Variants in ZNF284 observed in about 807,000 individuals in gnomAD.
ZNF284 encodes the protein zinc finger protein 284.
In ZNF284, 12 loss-of-function variants were observed where a neutral mutation model predicts 12.9. That is an observed-to-expected ratio of 0.93 (90% CI 0.60 to 1.51). ZNF284 has a LOEUF of 1.51. Among genes scored for constraint, ZNF284 ranks in the 40% most tolerant of loss-of-function variants. The pLI is 0.00. For synonymous variants in ZNF284, 225 were observed against 236.5 expected (o/e 0.95, Z 0.45); for missense variants, 667 against 707.3 (o/e 0.94, Z 0.65).
At chr19:44,083,440 T>TAAAG (rs1967158289) in intron 4 of ZNF284, among the ~76,000 whole-genome samples, 1 of 86,128 alleles carries the variant, frequency 1.2e-5, no homozygotes, top group East Asian at 2.7e-4. Flanking sequence ...TCTCAAAAAA[T>TAAAG]AAATAAAGAA....
At chr19:44,077,136 A>G (rs1359512149) in intron 2 of ZNF284, among the ~76,000 whole-genome samples, 2 of 152,116 alleles carry the variant, frequency 1.3e-5, no homozygotes, top group Non-Finnish European at 2.9e-5. Context: ...CTTTTTAACT[A>G]CTTTATACTC....
In ZNF284 at chr19:44,087,351, T is replaced by A; in HGVS notation, c.*91T>A. 1 of 952,268 alleles carries A rather than the reference T, an allele frequency of 1.1e-6. No individual in the cohort carries two copies. Among genetic ancestry groups the A allele is most frequent in the South Asian group, 2.5e-5 (1 of 40,268 alleles). 59.0% of individuals were successfully genotyped at this position (952,268 alleles called of 1,614,324 possible). ...CAGTGTTATTAGCATATCCATCACC[T>A]CCTTTATCATTTATTTGTGGATCAT... is the stretch of plus-strand genomic sequence containing the variant. On this transcript the variant is annotated 3_prime_UTR_variant, in exon 5 of 5. Transcript: ENST00000421176.
rs10426116 is a variant in ZNF284, at chr19:44,087,400, C to T, written c.*140C>T. The T allele has an allele frequency of 5.2e-3, 3,753 of 723,084 alleles. 125 individuals carry two copies. In the African/African-American group the frequency reaches 0.061, roughly 12 times the overall value. The allele number at this position is 723,084 out of a possible 1,614,324, so 44.8% of individuals were successfully genotyped here. A position where few individuals can be genotyped will look rare whatever the true frequency, so the allele number is the denominator to read the frequency against. On this transcript the variant is annotated 3_prime_UTR_variant, in exon 5 of 5. Coordinates refer to ENST00000421176, the MANE Select transcript of ZNF284 (RefSeq NM_001037813.4). ...ATTTATCATTTCTTTGTGCTTTGAA[C>T]GTTCAAAAACTGCTGTTCTAGTTAT...
In ZNF284 at chr19:44,086,992, A is replaced by G; in HGVS notation, c.1514A>G (p.His505Arg). Residue 505 changes from histidine to arginine, a missense_variant, in exon 5 of 5, where the codon CAC (histidine) becomes CGC (arginine). Coordinates refer to ENST00000421176, the MANE Select transcript of ZNF284 (RefSeq NM_001037813.4). ...AAACTTCGTTTCCATCAAAGAATTC[A>G]CACTGGAGAAAAGCCTTACAAATGT... ...NSKLRFHQRI[H>R]TGEKPYKCEE... is the part of the protein sequence containing the mutation. The G allele has an allele frequency of 6.2e-7, 1 of 1,614,240 alleles. No homozygotes were observed. Among genetic ancestry groups the G allele is most frequent in the Non-Finnish European group, 8.5e-7 (1 of 1,180,038 alleles).
At position 44,079,558 on chromosome 19, in the gene ZNF284, CAT is replaced by C. The variant is rs767452952; in HGVS notation, c.16-1456_16-1455del. On this transcript the variant is annotated intron_variant, in intron 2 of 4. Coordinates refer to ENST00000421176, the MANE Select transcript of ZNF284 (RefSeq NM_001037813.4). ...CCCTGTCTCTACTAAAAATACAAAA[CAT>C]TAGCCGGGTGTGGTGGTGGGCGCCT... 1.2e-3 allele frequency among the ~76,000 whole-genome samples: 189 copies of C among 151,992 alleles called. 1 individual carries two copies. The highest frequency in any genetic ancestry group is 2.2e-3 in the Non-Finnish European group (147 of 67,934).
chr19:44,079,475 C>T (rs1020258421), intron 2 of ZNF284, among the ~76,000 whole-genome samples: 22 of 151,844 alleles, frequency 1.4e-4, no homozygotes, highest in African/African-American at 3.6e-4. Context: ...TTTGGGAGGC[C>T]AAGGCAGGCG....
intron 2 of ZNF284, among the ~76,000 whole-genome samples, chr19:44,080,406 G>T (rs1599878463): frequency 6.6e-6 from 1 of 152,240 alleles, no homozygotes; most frequent in Middle Eastern, 3.4e-3. Context: ...TGACCAGCCT[G>T]GCCAACATGG....
At chr19:44,083,474 T>TATATATATATATATAGAGAGAGAG (rs746837013) in intron 4 of ZNF284, among the ~76,000 whole-genome samples, 3 of 64,922 alleles carry the variant, frequency 4.6e-5, no homozygotes, top group African/African-American at 1.5e-4. Flanking sequence ...TATATATATA[T>TATATATATATATATAGAGAGAGAG]AGAGAGAGAG....
At position 44,089,045 on chromosome 19, in the gene ZNF284, G is replaced by A. The variant is rs1967305993; in HGVS notation, c.*1785G>A. The A allele has an allele frequency of 6.6e-6, 1 of 152,016 alleles. No homozygotes were observed. Among genetic ancestry groups the A allele is most frequent in the East Asian group, 1.9e-4 (1 of 5,134 alleles). The allele number at this position is 152,016 out of a possible 1,614,324, so 9.4% of individuals were successfully genotyped here. On this transcript the variant is annotated 3_prime_UTR_variant, in exon 5 of 5. Coordinates refer to ENST00000421176, the MANE Select transcript of ZNF284 (RefSeq NM_001037813.4). ...GCCCAAATTGGTCTCAAACTCCTGG[G>A]CTCAAGCGATTCTCCCTCCTCAGCC... is the stretch of plus-strand genomic sequence containing the variant.
At position 44,086,716 on chromosome 19, in the gene ZNF284, A is replaced by G. The variant is rs769303429; in HGVS notation, c.1238A>G (p.Gln413Arg). Residue 413 changes from glutamine to arginine, a missense_variant, in exon 5 of 5, where the codon CAG becomes CGG. Gln to Arg is a conservative substitution (Grantham distance 43). Coordinates refer to ENST00000421176, the MANE Select transcript of ZNF284 (RefSeq NM_001037813.4). Reference sequence around the variant, plus strand: ...GGGAAGAGATTTTATATGAATTCACAGGGCCATTCACATCAGAGAGCCTAT... The same window carrying G: ...GGGAAGAGATTTTATATGAATTCACGGGGCCATTCACATCAGAGAGCCTAT... ...GCGKRFYMNS[Q>R]GHSHQRAYRE... 2 of 1,614,124 alleles carry G rather than the reference A, an allele frequency of 1.2e-6. No homozygotes were observed. Among genetic ancestry groups the G allele is most frequent in the Non-Finnish European group, 8.5e-7 (1 of 1,179,982 alleles).
rs779761496 is a variant in ZNF284 at position 44,086,616 on chromosome 19, T to G, written c.1138T>G (p.Phe380Val). The G allele has an allele frequency of 6.2e-7, 1 of 1,614,200 alleles. No homozygotes were observed. The highest frequency in any genetic ancestry group is 8.5e-7 in the Non-Finnish European group (1 of 1,180,026). Residue 380 changes from phenylalanine to valine, a missense_variant, in exon 5 of 5, where the codon TTC (phenylalanine) becomes GTC (valine). Phe to Val is a conservative substitution (Grantham distance 50). Transcript: ENST00000421176. ...PYNCNVCGKGFRWSSCLSRHQ... is the reference protein window; with the variant it reads ...PYNCNVCGKGVRWSSCLSRHQ... ...TAATTGTAATGTATGTGGGAAGGGCTTCAGGTGGTCCTCATGTCTTTCAAG... is the reference window on the plus strand; with the variant it reads ...TAATTGTAATGTATGTGGGAAGGGCGTCAGGTGGTCCTCATGTCTTTCAAG...
chr19:44,081,954 A>C, intron 3 of ZNF284, 59 bp from the exon 4 acceptor site: 1 of 1,446,638 alleles, frequency 6.9e-7, no homozygotes, highest in African/African-American at 1.4e-5. Flanking sequence ...TGAGAACCTA[A>C]ATTTCTAGTA....
chr19:44,085,719 A>G lies in ZNF284; in HGVS notation c.241A>G (p.Lys81Glu). The G allele has an allele frequency of 6.2e-7, 1 of 1,609,712 alleles. No homozygotes were observed. Among genetic ancestry groups the G allele is most frequent in the Non-Finnish European group, 8.5e-7 (1 of 1,177,730 alleles). The change falls in exon 5 of 5, where the codon AAG (lysine) becomes GAG (glutamate). Residue 81 changes from lysine (K) to glutamate (E), a missense_variant. Physicochemically the swap from Lys to Glu is moderately conservative, Grantham distance 56. Transcript: ENST00000421176. ...ATQREGNSGG[K>E]IQTELESVPE... ...TTAATTCTGTGTCCTTATAGGAGGCAAGATCCAAACTGAGTTGGAGTCTGT... is the reference window on the plus strand; with the variant it reads ...TTAATTCTGTGTCCTTATAGGAGGCGAGATCCAAACTGAGTTGGAGTCTGT...
In ZNF284 at chr19:44,086,638, C is replaced by G. The variant is rs748479504; in HGVS notation, c.1160C>G (p.Ser387Ter). ...GGCTTCAGGTGGTCCTCATGTCTTTCAAGACATCAGCGGGTCCACAATGGA... is the reference window on the plus strand; with the variant it reads ...GGCTTCAGGTGGTCCTCATGTCTTTGAAGACATCAGCGGGTCCACAATGGA... Reference protein sequence around the residue: ...GKGFRWSSCLSRHQRVHNGET... With the variant: ...GKGFRWSSCL Residue 387 changes from serine to a stop codon, truncating the protein, a stop_gained, in exon 5 of 5, where the codon TCA (serine) becomes TGA (stop). Transcript: ENST00000421176. LOFTEE classifies it low-confidence loss of function (END_TRUNC). 3 of 1,613,870 alleles carry G rather than the reference C, an allele frequency of 1.9e-6. No individual in the cohort carries two copies. The South Asian group carries it at 3.3e-5, about 18-fold the overall frequency.
intron 2 of ZNF284, among the ~76,000 whole-genome samples, chr19:44,080,740 T>A (rs1037477641): frequency 6.6e-6 from 1 of 152,242 alleles, no homozygotes; most frequent in Admixed American, 6.5e-5. Context: ...CCCAGGATGC[T>A]GCATTTAGAG....
chr19:44,086,530 G>C lies in ZNF284; in HGVS notation c.1052G>C (p.Ser351Thr). The C allele has an allele frequency of 6.2e-7, 1 of 1,614,184 alleles. No homozygotes were observed. Among genetic ancestry groups the C allele is most frequent in the South Asian group, 1.1e-5 (1 of 91,076 alleles). Residue 351 changes from serine (S) to threonine (T), a missense_variant, in exon 5 of 5, where the codon AGC becomes ACC. Transcript: ENST00000421176. ...TACAAATGTGAAGAATGTGGAAGGA[G>C]CTTCACTTGTAGGCAAGATCTTTGT... ...KLYKCEECGR[S>T]FTCRQDLCKH...
chr19:44,083,502 G>GAGAGAGAGA (rs1568522599), intron 4 of ZNF284, among the ~76,000 whole-genome samples: 3 of 37,962 alleles, frequency 7.9e-5, no homozygotes, highest in South Asian at 1.2e-3. Flanking sequence ...GAGAGAGAGA[G>GAGAGAGAGA]GGAATGGAAT....
At chr19:44,080,954 C>T in intron 2 of ZNF284, 61 bp from the exon 3 acceptor site, 1 of 1,567,174 alleles carries the variant, frequency 6.4e-7, no homozygotes, top group Non-Finnish European at 8.7e-7. Flanking sequence ...CTGCTCATTG[C>T]CACCCTTCTC....
Position 44,085,933 on chromosome 19 carries a change from G to A in ZNF284, c.455G>A (p.Cys152Tyr), listed in dbSNP as rs201954718. The A allele has an allele frequency of 1.2e-6, 2 of 1,614,180 alleles. No homozygotes were observed. The highest frequency in any genetic ancestry group is 2.7e-5 in the African/African-American group (2 of 75,060). Residue 152 changes from cysteine to tyrosine, a missense_variant, in exon 5 of 5, where the codon TGT becomes TAT. Coordinates refer to ENST00000421176, the MANE Select transcript of ZNF284 (RefSeq NM_001037813.4). ...GAGACACCTTCTGAGCATGGGAAGTGTAAAAAATTCTTCAGTGATGTCTCC... is the reference window on the plus strand; with the variant it reads ...GAGACACCTTCTGAGCATGGGAAGTATAAAAAATTCTTCAGTGATGTCTCC... ...IGETPSEHGKCKKFFSDVSIL... is the reference protein window; with the variant it reads ...IGETPSEHGKYKKFFSDVSIL...
Sources: allele counts gnomAD v4.1 joint callset (sites outside exome capture counted in the v4.1 genomes callset), GRCh38; gene constraint gnomAD v4.1.1; transcripts MANE v1.5; gene names NCBI Gene and HGNC (gene_info 2026-07-23, HGNC 2026-07-21).